FRMPD1: variants seen among roughly 807,000 people sequenced by gnomAD.
FRMPD1 encodes FERM and PDZ domain-containing protein 1.
A neutral mutation model predicts 117.8 loss-of-function variants in FRMPD1; 76 were observed. The observed-to-expected ratio is 0.65, with a 90% CI of 0.54 to 0.78. The LOEUF is 0.78. Among genes scored for constraint, FRMPD1 ranks in the 30% least tolerant of loss-of-function variants. The pLI, the probability that FRMPD1 is intolerant of heterozygous loss-of-function variation, is 0.00. For synonymous variants in FRMPD1, 783 were observed against 770.4 expected (o/e 1.02, Z -0.27); for missense variants, 1,786 against 1,964.5 (o/e 0.91, Z 1.72).
intron 2 of FRMPD1, among the ~76,000 whole-genome samples, chr9:37,701,488 TGC>T (rs146699048): frequency 0.2 from 21,472 of 108,820 alleles, 1,651 homozygotes; most frequent in Non-Finnish European, 0.27. Context: ...TGTGTGTGTG[TGC>T]GCGCGTGTGT....
rs1261586521 is a variant in FRMPD1 at position 37,744,390 on chromosome 9, G to C, written c.2358G>C (p.Gly786=). The C allele has an allele frequency of 1.3e-6, 2 of 1,582,778 alleles. No individual in the cohort carries two copies. Among genetic ancestry groups the C allele is most frequent in the Non-Finnish European group, 8.6e-7 (1 of 1,164,604 alleles). The part of the protein sequence containing the change: ...DKLTPPGPPS[G]PRDVSTAEPS... ...TATTTTTTCTTTCCTGACTCCCAGG[G>C]CCCAGAGATGTTTCTACTGCAGAAC... Residue 786 remains glycine (G), a splice_region_variant and synonymous_variant, in exon 16 of 16, where the codon GGG becomes GGC. Transcript: ENST00000377765.
the FRMPD1 span, among the ~76,000 whole-genome samples, chr9:37,607,579 C>T: frequency 0.095 from 14,411 of 152,176 alleles, 852 homozygotes; most frequent in Middle Eastern, 0.15. Context: ...TTGTATGTGA[C>T]CTTAGTCATC....
At chr9:37,628,827 T>C in the FRMPD1 span, among the ~76,000 whole-genome samples, 1 of 152,206 alleles carries the variant, frequency 6.6e-6, no homozygotes, top group South Asian at 2.1e-4. Flanking sequence ...AAATGAATAA[T>C]GGAGATCAGG....
At chr9:37,674,892 G>A (rs1414344494) in intron 1 of FRMPD1, among the ~76,000 whole-genome samples, 7 of 152,156 alleles carry the variant, frequency 4.6e-5, no homozygotes, top group Admixed American at 3.9e-4. Context: ...AGATCTAAAC[G>A]AGGACCCAGC....
the FRMPD1 span, among the ~76,000 whole-genome samples, chr9:37,642,913 C>G: frequency 6.6e-6 from 1 of 152,186 alleles, no homozygotes; most frequent in South Asian, 2.1e-4. Context: ...TTTCTCACTC[C>G]TCTTTTTTCT....
At chr9:37,658,568 G>C (rs1380651138) in intron 1 of FRMPD1, among the ~76,000 whole-genome samples, 1 of 152,152 alleles carries the variant, frequency 6.6e-6, no homozygotes, top group African/African-American at 2.4e-5. Flanking sequence ...TGTCCCACTG[G>C]AGTCTCTAAG....
the FRMPD1 span, among the ~76,000 whole-genome samples, chr9:37,604,576 C>G: frequency 2.0e-5 from 3 of 152,160 alleles, no homozygotes; most frequent in Non-Finnish European, 4.4e-5. Flanking sequence ...CTGTGTGGAC[C>G]AGGTTTTCTT....
rs765849246 is a variant in FRMPD1 at position 37,740,861 on chromosome 9, T to C, written c.2333T>C (p.Leu778Pro). 6.2e-7 allele frequency: 1 copy of C among 1,613,980 alleles called. No homozygotes were observed. Among genetic ancestry groups the C allele is most frequent in the Non-Finnish European group, 8.5e-7 (1 of 1,179,932 alleles). ...GAATACTATGACGCGGCTGATAAGC[T>C]CACTCCCCCAGGCCCCCCGTCAGGT... is the stretch of plus-strand genomic sequence containing the variant. Reference protein sequence around the residue: ...DEEYYDAADKLTPPGPPSGPR... With the variant: ...DEEYYDAADKPTPPGPPSGPR... The change falls in exon 15 of 16, where the codon CTC becomes CCC. Residue 778 changes from leucine (L) to proline (P), a missense_variant. By Grantham distance (98) the Leu-to-Pro change is moderately conservative. Transcript: ENST00000377765. The surrounding 1 kb of genome is among the most constrained non-coding windows in gnomAD (Gnocchi z 4.2).
intron 1 of FRMPD1, among the ~76,000 whole-genome samples, chr9:37,680,297 T>TA (rs1821681847): frequency 6.6e-6 from 1 of 152,178 alleles, no homozygotes; most frequent in African/African-American, 2.4e-5. Flanking sequence ...CCCGAAGGCT[T>TA]GTCTTTGTAC....
intron 1 of FRMPD1, among the ~76,000 whole-genome samples, chr9:37,680,788 T>C (rs1821701395): frequency 6.6e-6 from 1 of 152,170 alleles, no homozygotes; most frequent in African/African-American, 2.4e-5. Context: ...TTTCAGGTAT[T>C]CAATGCCCTT....
In FRMPD1 at chr9:37,740,162, T is replaced by C. The variant is rs1229624130; in HGVS notation, c.1634T>C (p.Val545Ala). 1 of 1,613,770 alleles carries C rather than the reference T, an allele frequency of 6.2e-7. No individual in the cohort carries two copies. The highest frequency in any genetic ancestry group is 8.5e-7 in the Non-Finnish European group (1 of 1,179,918). The stretch of plus-strand genomic sequence containing the variant: ...GAACCTCTCTCTGACAGGCGCCTGG[T>C]GAAACTGGCACCCTGCAGATCACTC... ...VLEPLSDRRL[V>A]KLAPCRSLIK... Residue 545 changes from valine to alanine, a missense_variant, in exon 15 of 16, where the codon GTG becomes GCG. Physicochemically the swap from Val to Ala is moderately conservative, Grantham distance 64. Transcript: ENST00000377765. The surrounding 1 kb of genome is among the most constrained non-coding windows in gnomAD (Gnocchi z 4.2).
chr9:37,630,261 C>T, the FRMPD1 span, among the ~76,000 whole-genome samples: 4 of 152,208 alleles, frequency 2.6e-5, no homozygotes, highest in Admixed American at 6.5e-5. Flanking sequence ...TGGAATATGT[C>T]TTACAATTGA....
In FRMPD1 at chr9:37,708,363, G is replaced by A. The variant is rs777565934; in HGVS notation, c.260-36G>A. The A allele has an allele frequency of 1.3e-5, 17 of 1,316,892 alleles. No individual in the cohort carries two copies. The East Asian group carries it at 1.6e-4, about 12-fold the overall frequency. The allele number at this position is 1,316,892 out of a possible 1,614,324, so 81.6% of individuals were successfully genotyped here. A position where few individuals can be genotyped will look rare whatever the true frequency, so the allele number is the denominator to read the frequency against. On this transcript the variant is annotated intron_variant, in intron 3 of 15. Transcript: ENST00000377765. ...TTACACATAGAGTCTGGGTCCTCCC[G>A]GCATGAGCACCAATTACTTATTTTC...
chr9:37,648,275 T>TA (rs1471540627), upstream of FRMPD1, among the ~76,000 whole-genome samples: 1 of 152,186 alleles, frequency 6.6e-6, no homozygotes, highest in Non-Finnish European at 1.5e-5. Flanking sequence ...CATTTTTTTT[T>TA]AACACTATGT....
intron 1 of FRMPD1, among the ~76,000 whole-genome samples, chr9:37,659,981 G>C (rs1336432482): frequency 6.6e-6 from 1 of 150,678 alleles, no homozygotes; most frequent in Non-Finnish European, 1.5e-5. Flanking sequence ...GAAGCTAGTA[G>C]TGGAGCTGAG....
rs60967717 is a variant in FRMPD1 at position 37,729,382 on chromosome 9, C to CAAAAAA, written c.613-324_613-319dup. ...TGGGTGACAGCCTGGGAGACCCTCTCAAAAAAAAAAAAAAAAAAAAAAAAA... is the reference window on the plus strand; with the variant it reads ...TGGGTGACAGCCTGGGAGACCCTCTCAAAAAAAAAAAAAAAAAAAAAAAAAAAAAAA... On this transcript the variant is annotated intron_variant, in intron 7 of 15. Transcript: ENST00000377765. Among the ~76,000 whole-genome samples, 59 of 54,722 alleles carry CAAAAAA rather than the reference C, an allele frequency of 1.1e-3. 3 individuals are homozygous for CAAAAAA. Among genetic ancestry groups the CAAAAAA allele is most frequent in the African/African-American group, 4.7e-3 (52 of 11,008 alleles). 35.9% of individuals were successfully genotyped at this position (54,722 alleles called of 152,430 possible). A position where few individuals can be genotyped will look rare whatever the true frequency, so the allele number is the denominator to read the frequency against.
chr9:37,733,457 C>T lies in FRMPD1; in HGVS notation c.996-16C>T, dbSNP rs750274043. The T allele has an allele frequency of 6.2e-7, 1 of 1,610,076 alleles. No individual in the cohort carries two copies. The highest frequency in any genetic ancestry group is 1.1e-5 in the South Asian group (1 of 90,054). Reference sequence around the variant, plus strand: ...CTGTAGAAATGGGCCTCCTTGTCTCCAATGTCTCATGGCAGGAAAGACTGG... The same window carrying T: ...CTGTAGAAATGGGCCTCCTTGTCTCTAATGTCTCATGGCAGGAAAGACTGG... On this transcript the variant is annotated splice_polypyrimidine_tract_variant and intron_variant, in intron 10 of 15. Coordinates refer to ENST00000377765, the MANE Select transcript of FRMPD1 (RefSeq NM_014907.3).
chr9:37,739,305 C>A lies in FRMPD1; in HGVS notation c.1550-773C>A, dbSNP rs187376399. Among the ~76,000 whole-genome samples, 12 of 152,274 alleles carry A rather than the reference C, an allele frequency of 7.9e-5. No individual in the cohort carries two copies. The East Asian group carries it at 2.3e-3, about 29-fold the overall frequency. ...AAGGCCATACTGTGAGAGTCTGTAA[C>A]TGTTGTGGGGGAGGCCAGGCTCTTC... On this transcript the variant is annotated intron_variant, in intron 14 of 15. Transcript: ENST00000377765.
intron 1 of FRMPD1, chr9:37,668,546 G>A (rs1228854541): frequency 6.6e-6 from 1 of 152,340 alleles, no homozygotes; most frequent in Non-Finnish European, 1.5e-5. Flanking sequence ...AGGGGGAAGA[G>A]GTGTGGATTT....
Sources: gnomAD v4.1 joint callset for allele counts (sites outside exome capture counted in the v4.1 genomes callset) on GRCh38, gnomAD v4.1.1 for gene constraint, Gnocchi (gnomAD v3.1) non-coding constraint, MANE v1.5 for transcripts, NCBI Gene and HGNC (gene_info 2026-07-23, HGNC 2026-07-21) for gene names.